Variants in SH2D5 observed in about 807,000 individuals in gnomAD.
The protein encoded by SH2D5 is SH2 domain-containing protein 5.
A neutral mutation model predicts 48.2 loss-of-function variants in SH2D5; 45 were observed. The ratio of observed to expected loss-of-function variants is 0.93; its 90% CI spans 0.73 to 1.20. The LOEUF (loss-of-function observed/expected upper bound fraction) is 1.20, where lower values mean the gene tolerates loss of function less well. Ranked by LOEUF, SH2D5 falls within the 50% of genes most tolerant of loss-of-function variation. The pLI is 0.00. For synonymous variants in SH2D5, 230 were observed against 249.8 expected (o/e 0.92, Z 0.75); for missense variants, 538 against 584.1 (o/e 0.92, Z 0.81).
Position 20,728,009 on chromosome 1 carries a change from A to G in SH2D5, c.36T>C (p.Ser12=). Residue 12 remains serine (S), a synonymous_variant, in exon 2 of 10, where the codon TCT becomes TCC. Transcript: ENST00000444387. The surrounding 1 kb of genome is among the most constrained non-coding windows in gnomAD (Gnocchi z 4.3). ...GCCGGTGAGGGGCCAGCCCGCAGTC[A>G]GAGGCCCTGCGGCCCCCAGCCCCCG... is the stretch of plus-strand genomic sequence containing the variant. The part of the protein sequence containing the change: ...QKAGAGGRRA[S]DCGLAPHRPR... 6.4e-7 allele frequency: 1 copy of G among 1,565,618 alleles called. No individual in the cohort carries two copies. The highest frequency in any genetic ancestry group is 8.6e-7 in the Non-Finnish European group (1 of 1,156,128).
At chr1:20,731,794 G>A (rs1401395093) in intron 1 of SH2D5, among the ~76,000 whole-genome samples, 2 of 152,102 alleles carry the variant, frequency 1.3e-5, no homozygotes, top group Non-Finnish European at 2.9e-5. Context: ...CTCGCTCGGG[G>A]CGCTGCGGGG....
chr1:20,721,556 C>G lies in SH2D5; in HGVS notation c.*236G>C. ...AAGCCACCCAAAGGGTTATCCGAAG[C>G]CTGCAACTCCACCTGCCCTCCTGGA... is the stretch of plus-strand genomic sequence containing the variant. On this transcript the variant is annotated 3_prime_UTR_variant, in exon 10 of 10. Coordinates refer to ENST00000444387, the MANE Select transcript of SH2D5 (RefSeq NM_001103161.2). 2 of 472,284 alleles carry G rather than the reference C, an allele frequency of 4.2e-6. No homozygotes were observed. Among genetic ancestry groups the G allele is most frequent in the Admixed American group, 3.6e-5 (1 of 27,426 alleles). The allele number at this position is 472,284 out of a possible 1,614,324, so 29.3% of individuals were successfully genotyped here.
chr1:20,722,849 AC>A lies in SH2D5; in HGVS notation c.974del (p.Gly325ValfsTer64). 6.2e-7 allele frequency: 1 copy of A among 1,605,612 alleles called. No homozygotes were observed. Reference sequence around the variant, plus strand: ...CGGACAGACACCACTGGCCGCTAGCACCCAGCTCAGGCCACAGCAGGAAGGC... The same window carrying A: ...CGGACAGACACCACTGGCCGCTAGCACCAGCTCAGGCCACAGCAGGAAGGC... ...LGAFLLWPELGASGQWCLSVR... is the reference protein window; with the variant it reads ...LGAFLLWPELXASGQWCLSVR... On this transcript the variant is annotated frameshift_variant, in exon 9 of 10. Coordinates refer to ENST00000444387, the MANE Select transcript of SH2D5 (RefSeq NM_001103161.2). LOFTEE classifies it high-confidence loss of function.
rs1208214624 is a variant in SH2D5 at position 20,721,118 on chromosome 1, G to C, written c.*674C>G. On this transcript the variant is annotated 3_prime_UTR_variant, in exon 10 of 10. Transcript: ENST00000444387. ...ATGGAGATTCTTGGCCCTGTCTGCT[G>C]GTGCGCATCCCTTTCTGCACACAGG... The C allele has an allele frequency of 6.5e-6, 1 of 153,684 alleles. No individual in the cohort carries two copies. Among genetic ancestry groups the C allele is most frequent in the African/African-American group, 2.4e-5 (1 of 41,442 alleles). The allele number at this position is 153,684 out of a possible 1,614,324, so 9.5% of individuals were successfully genotyped here.
chr1:20,724,350 C>T (rs768266548), intron 6 of SH2D5, 46 bp downstream of exon 6: 2 of 1,604,928 alleles, frequency 1.2e-6, no homozygotes, highest in Non-Finnish European at 8.5e-7. Flanking sequence ...AACCCATACC[C>T]AGTTCCCTTG....
rs960643570 is a variant in SH2D5, at chr1:20,728,740, C to T, written c.-42-654G>A. ...TTTGGGATCAGCCTTAGACGCCAGGCTCAGGAATTCAGACCCCACCCTGTG... is the reference window on the plus strand; with the variant it reads ...TTTGGGATCAGCCTTAGACGCCAGGTTCAGGAATTCAGACCCCACCCTGTG... On this transcript the variant is annotated intron_variant, in intron 1 of 9. Transcript: ENST00000444387. The surrounding 1 kb of genome is among the most constrained non-coding windows in gnomAD (Gnocchi z 4.3). Among the ~76,000 whole-genome samples, 4 of 152,222 alleles carry T rather than the reference C, an allele frequency of 2.6e-5. No individual in the cohort carries two copies. Among genetic ancestry groups the T allele is most frequent in the Admixed American group, 2.6e-4 (4 of 15,290 alleles).
chr1:20,731,780 C>T (rs1163362852), intron 1 of SH2D5, among the ~76,000 whole-genome samples: 1 of 152,098 alleles, frequency 6.6e-6, no homozygotes. Context: ...TCCCGCTGCG[C>T]TACCTCGCTC....
chr1:20,724,645 A>G lies in SH2D5; in HGVS notation c.391-10T>C. The stretch of plus-strand genomic sequence containing the variant: ...GGTGCAGGATCTGGACCTGGGAGGG[A>G]GGGAGAGAGGTGGGCTCAGCTGGAG... On this transcript the variant is annotated splice_polypyrimidine_tract_variant and intron_variant, in intron 5 of 9. Coordinates refer to ENST00000444387, the MANE Select transcript of SH2D5 (RefSeq NM_001103161.2). 1.3e-6 allele frequency: 2 copies of G among 1,543,650 alleles called. 1 individual carries two copies. Among genetic ancestry groups the G allele is most frequent in the South Asian group, 2.4e-5 (2 of 83,048 alleles).
Position 20,722,759 on chromosome 1 carries a change from C to T in SH2D5, c.1065G>A (p.Leu355=), listed in dbSNP as rs1313715150. 12 of 1,501,214 alleles carry T rather than the reference C, an allele frequency of 8.0e-6. No individual in the cohort carries two copies. Among genetic ancestry groups the T allele is most frequent in the Non-Finnish European group, 1.1e-5 (12 of 1,119,704 alleles). 93.0% of individuals were successfully genotyped at this position (1,501,214 alleles called of 1,614,324 possible). A position where few individuals can be genotyped will look rare whatever the true frequency, so the allele number is the denominator to read the frequency against. Residue 355 remains leucine (L), a synonymous_variant, in exon 9 of 10, where the codon TTG becomes TTA. Coordinates refer to ENST00000444387, the MANE Select transcript of SH2D5 (RefSeq NM_001103161.2). ...VFRNHLGRYC[L]EHLPAEFPSL... Reference sequence around the variant, plus strand: ...CCTCTGGCTGCTGCGCTCTTACCTCCAAGCAGTAGCGGCCCAGGTGGTTCC... The same window carrying T: ...CCTCTGGCTGCTGCGCTCTTACCTCTAAGCAGTAGCGGCCCAGGTGGTTCC...
At chr1:20,726,863 A>C in intron 4 of SH2D5, 138 bp downstream of exon 4, 2 of 617,274 alleles carry the variant, frequency 3.2e-6, no homozygotes, top group Non-Finnish European at 5.3e-6. Flanking sequence ...CAGAGCAGGT[A>C]GGCTGGCGCG....
Position 20,721,995 on chromosome 1 carries a change from G to T in SH2D5, c.1069C>A (p.His357Asn), listed in dbSNP as rs759680472. The change falls in exon 10 of 10, where the codon CAC (histidine) becomes AAC (asparagine). Residue 357 changes from histidine to asparagine, a missense_variant and splice_region_variant. Physicochemically the swap from His to Asn is moderately conservative, Grantham distance 68. Coordinates refer to ENST00000444387, the MANE Select transcript of SH2D5 (RefSeq NM_001103161.2). ...RNHLGRYCLE[H>N]LPAEFPSLEA... ...AGGCTGGGGAACTCTGCCGGCAGGT[G>T]CTAGGGGAGGAAGGGACTTCAGCTC... 1 of 1,612,156 alleles carries T rather than the reference G, an allele frequency of 6.2e-7. No homozygotes were observed. The highest frequency in any genetic ancestry group is 1.1e-5 in the South Asian group (1 of 90,980).
rs2054841114 is a variant in SH2D5, at chr1:20,728,131, CCA to C, written c.-42-47_-42-46del. 2 of 891,388 alleles carry C rather than the reference CCA, an allele frequency of 2.2e-6. No homozygotes were observed. Among genetic ancestry groups the C allele is most frequent in the South Asian group, 3.1e-5 (2 of 64,202 alleles). The allele number at this position is 891,388 out of a possible 1,614,324, so 55.2% of individuals were successfully genotyped here. On this transcript the variant is annotated intron_variant, in intron 1 of 9. Coordinates refer to ENST00000444387, the MANE Select transcript of SH2D5 (RefSeq NM_001103161.2). This position sits in a 1 kb window ranked among gnomAD's most constrained non-coding sequence, Gnocchi z 4.3. ...AAGGGCTGCTTTCGAGGCAGGCAAG[CCA>C]CAGAGTGCCCCCCACAGGCCATTCA...
intron 5 of SH2D5, 73 bp from the exon 6 acceptor site, chr1:20,724,708 C>T: frequency 1.4e-5 from 20 of 1,442,356 alleles, no homozygotes; most frequent in Non-Finnish European, 1.8e-5. Flanking sequence ...TGGGCCTCAG[C>T]CCACTCACCA....
Position 20,719,846 on chromosome 1 carries a change from T to G in SH2D5, c.*1946A>C, listed in dbSNP as rs1342491112. 1 of 152,188 alleles carries G rather than the reference T, an allele frequency of 6.6e-6. No homozygotes were observed. The highest frequency in any genetic ancestry group is 2.4e-5 in the African/African-American group (1 of 41,434). The allele number at this position is 152,188 out of a possible 1,614,324, so 9.4% of individuals were successfully genotyped here. ...TGGTCTCTGATTAAGACATGGAGTCTGCAAACAGGGGCCAAAAACCTTGCC... is the reference window on the plus strand; with the variant it reads ...TGGTCTCTGATTAAGACATGGAGTCGGCAAACAGGGGCCAAAAACCTTGCC... On this transcript the variant is annotated 3_prime_UTR_variant, in exon 10 of 10. Transcript: ENST00000444387.
rs1307784830 is a variant in SH2D5, at chr1:20,723,735, C to T, written c.800-1G>A. On this transcript the variant is annotated splice_acceptor_variant, in intron 7 of 9. Coordinates refer to ENST00000444387, the MANE Select transcript of SH2D5 (RefSeq NM_001103161.2). LOFTEE classifies it high-confidence loss of function. ...GGCCATGCCTCCCATGCGGCAGGAA[C>T]TGTGGAGACCATCCAGGAGTCAGAA... 2 of 1,611,342 alleles carry T rather than the reference C, an allele frequency of 1.2e-6. No homozygotes were observed. Among genetic ancestry groups the T allele is most frequent in the Non-Finnish European group, 1.7e-6 (2 of 1,178,796 alleles).
At position 20,724,556 on chromosome 1, in the gene SH2D5, G is replaced by C; in HGVS notation, c.470C>G (p.Pro157Arg). The change falls in exon 6 of 10, where the codon CCA becomes CGA. Residue 157 changes from proline (P) to arginine (R), a missense_variant. Physicochemically the swap from Pro to Arg is moderately radical, Grantham distance 103. Coordinates refer to ENST00000444387, the MANE Select transcript of SH2D5 (RefSeq NM_001103161.2). The stretch of plus-strand genomic sequence containing the variant: ...CCCTGTGGGCCCTGGGCAGGGCTCT[G>C]GCTGTGCCCGCTCCTCAGGGTGCTG... Reference protein sequence around the residue: ...LLQHPEERAQPEPCPGPTGEV... With the variant: ...LLQHPEERAQREPCPGPTGEV... 2 of 1,601,610 alleles carry C rather than the reference G, an allele frequency of 1.2e-6. No homozygotes were observed. The highest frequency in any genetic ancestry group is 3.3e-4 in the Middle Eastern group (2 of 6,042).
intron 1 of SH2D5, among the ~76,000 whole-genome samples, chr1:20,730,452 C>G (rs1437104136): frequency 6.6e-6 from 1 of 152,200 alleles, no homozygotes; most frequent in Admixed American, 6.5e-5. Context: ...CTTTCAGCGT[C>G]CCCAGTGTCC....
chr1:20,722,117 A>C, intron 9 of SH2D5, 122 bp from the exon 10 acceptor site: 6 of 863,242 alleles, frequency 7.0e-6, no homozygotes, highest in Non-Finnish European at 1.1e-5. Context: ...CAGAGGCTTC[A>C]CATGTGCTAT....
At chr1:20,730,961 C>A (rs1322555429) in intron 1 of SH2D5, 1 of 152,340 alleles carries the variant, frequency 6.6e-6, no homozygotes, top group Non-Finnish European at 1.5e-5. Flanking sequence ...GACCACCAGC[C>A]CGCAGACCCT....
Sources: allele counts gnomAD v4.1 joint callset (sites outside exome capture counted in the v4.1 genomes callset), GRCh38; gene constraint gnomAD v4.1.1; non-coding constraint Gnocchi (gnomAD v3.1); transcripts MANE v1.5; gene names NCBI Gene and HGNC (gene_info 2026-07-23, HGNC 2026-07-21).